The following ARHGAP15 variants were observed in gnomAD, a reference collection of about 807,000 sequenced individuals.
The protein encoded by ARHGAP15 is Rho GTPase activating protein 15.
In ARHGAP15, 51 loss-of-function variants were observed where a neutral mutation model predicts 63.7. That is an observed-to-expected ratio of 0.80 (90% confidence interval 0.64 to 1.01). ARHGAP15 has a LOEUF of 1.01. ARHGAP15 is among the 50% of genes least tolerant of loss of function. ARHGAP15 has a pLI of 0.00. For synonymous variants in ARHGAP15, 191 were observed against 193.8 expected (o/e 0.99, Z 0.12); for missense variants, 560 against 564.6 (o/e 0.99, Z 0.08).
intron 5 of ARHGAP15, among the ~76,000 whole-genome samples, chr2:143,246,122 C>T (rs577506119): frequency 7.9e-5 from 12 of 152,030 alleles, no homozygotes; most frequent in Admixed American, 3.9e-4. Flanking sequence ...ACTTGGAATC[C>T]GATAAAAGTA....
At chr2:143,398,645 T>C (rs1687869986) in intron 6 of ARHGAP15, among the ~76,000 whole-genome samples, 1 of 152,130 alleles carries the variant, frequency 6.6e-6, no homozygotes, top group Non-Finnish European at 1.5e-5. Context: ...ATGTGCAGTT[T>C]GGCCATGAAA....
At chr2:143,719,097 C>T (rs770776720) in intron 13 of ARHGAP15, among the ~76,000 whole-genome samples, 6 of 152,174 alleles carry the variant, frequency 3.9e-5, no homozygotes, top group Admixed American at 1.3e-4. Flanking sequence ...GGGACAGAAC[C>T]GCTGTAAGGG....
intron 6 of ARHGAP15, 86 bp downstream of exon 6, chr2:143,250,686 T>G: frequency 9.4e-7 from 1 of 1,066,702 alleles, no homozygotes; most frequent in Non-Finnish European, 1.4e-6. Context: ...TACCTTCTTG[T>G]GATGTGCTCA....
chr2:143,760,328 G>A (rs1303309476), intron 13 of ARHGAP15, among the ~76,000 whole-genome samples: 1 of 152,066 alleles, frequency 6.6e-6, no homozygotes, highest in South Asian at 2.1e-4. Context: ...CACATAGAAG[G>A]TATTAATAGT....
intron 13 of ARHGAP15, among the ~76,000 whole-genome samples, chr2:143,767,436 CCAAATGAATGGA>C (rs539475396): frequency 5.9e-4 from 90 of 152,248 alleles, no homozygotes; most frequent in African/African-American, 2.1e-3. Context: ...AATTGGCTGT[CCAAATGAATGGA>C]GACACTTAGA....
chr2:143,358,010 G>GA (rs1685878804), intron 6 of ARHGAP15, among the ~76,000 whole-genome samples: 1 of 152,132 alleles, frequency 6.6e-6, no homozygotes, highest in Non-Finnish European at 1.5e-5. Flanking sequence ...TGGTATTTAG[G>GA]AAAAATATTC....
intron 9 of ARHGAP15, among the ~76,000 whole-genome samples, chr2:143,508,201 C>T (rs1050298233): frequency 6.6e-6 from 1 of 152,176 alleles, no homozygotes; most frequent in African/African-American, 2.4e-5. Context: ...GCCACTCAGG[C>T]CTTCCTGCTC....
intron 12 of ARHGAP15, among the ~76,000 whole-genome samples, chr2:143,680,699 G>C (rs1469153231): frequency 3.3e-5 from 5 of 152,176 alleles, no homozygotes; most frequent in African/African-American, 9.7e-5. Flanking sequence ...TAGTTTTCCT[G>C]TACCCACATT....
intron 8 of ARHGAP15, among the ~76,000 whole-genome samples, chr2:143,471,479 AATAC>A (rs1691574160): frequency 6.6e-6 from 1 of 151,978 alleles, no homozygotes; most frequent in African/African-American, 2.4e-5. Context: ...AAAGAAGTAA[AATAC>A]ATATTAGATA....
chr2:143,648,194 A>G (rs1362140490), intron 12 of ARHGAP15, among the ~76,000 whole-genome samples: 2 of 152,046 alleles, frequency 1.3e-5, no homozygotes, highest in Non-Finnish European at 2.9e-5. Flanking sequence ...TTGTTACTCG[A>G]GTTCTATAAT....
At chr2:143,255,379 G>T (rs555296965) in intron 6 of ARHGAP15, among the ~76,000 whole-genome samples, 1 of 151,668 alleles carries the variant, frequency 6.6e-6, no homozygotes, top group Non-Finnish European at 1.5e-5. Context: ...AGATCTCGGG[G>T]GACAGATTCT....
chr2:143,625,557 G>C (rs1698804660), intron 12 of ARHGAP15, among the ~76,000 whole-genome samples: 1 of 152,100 alleles, frequency 6.6e-6, no homozygotes, highest in African/African-American at 2.4e-5. Context: ...CTTATCCCTT[G>C]TCGTGACTTC....
intron 1 of ARHGAP15, 47 bp from the exon 2 acceptor site, chr2:143,155,430 G>A (rs1438551156): frequency 7.5e-6 from 11 of 1,468,536 alleles, no homozygotes; most frequent in Non-Finnish European, 9.1e-6. Flanking sequence ...AGTTTTCATG[G>A]AAAATTGTAT....
chr2:143,556,538 AT>A lies in ARHGAP15; in HGVS notation c.1003+56del. The A allele has an allele frequency of 1.7e-5, 23 of 1,326,272 alleles. No homozygotes were observed. In the South Asian group the frequency reaches 2.7e-4, roughly 16 times the overall value. The allele number at this position is 1,326,272 out of a possible 1,614,324, so 82.2% of individuals were successfully genotyped here. A position where few individuals can be genotyped will look rare whatever the true frequency, so the allele number is the denominator to read the frequency against. The stretch of plus-strand genomic sequence containing the variant: ...TTCAAACAGTTTCATATGGAACAAT[AT>A]TTCATACACTGTGCTGTATGTACTG... On this transcript the variant is annotated intron_variant, in intron 11 of 13. Coordinates refer to ENST00000295095, the MANE Select transcript of ARHGAP15 (RefSeq NM_018460.4).
intron 11 of ARHGAP15, among the ~76,000 whole-genome samples, chr2:143,563,332 T>C (rs1212608456): frequency 6.6e-6 from 1 of 152,220 alleles, no homozygotes. Flanking sequence ...TAATCAAATA[T>C]GGTTTTTGCC....
intron 11 of ARHGAP15, among the ~76,000 whole-genome samples, chr2:143,611,161 C>T (rs913395194): frequency 6.6e-6 from 1 of 152,126 alleles, no homozygotes; most frequent in Non-Finnish European, 1.5e-5. Context: ...TCCAGGAACT[C>T]ATGTTGTTTG....
intron 8 of ARHGAP15, chr2:143,437,294 G>T: frequency 2.6e-6 from 1 of 386,496 alleles, no homozygotes; most frequent in Admixed American, 4.5e-5. Context: ...CTGAATCTCT[G>T]AGTAATAGCC....
chr2:143,629,018 T>C (rs1041360942), intron 12 of ARHGAP15, among the ~76,000 whole-genome samples: 1 of 152,162 alleles, frequency 6.6e-6, no homozygotes, highest in African/African-American at 2.4e-5. Context: ...TGCATCCAAC[T>C]GGAATACTTT....
At chr2:143,726,949 T>G (rs148161269) in intron 13 of ARHGAP15, among the ~76,000 whole-genome samples, 1,812 of 152,314 alleles carry the variant, frequency 0.012, 16 homozygotes, top group South Asian at 0.02. Context: ...CTGGTCACTA[T>G]ATAGATATAT....
Sources: allele counts gnomAD v4.1 joint callset (sites outside exome capture counted in the v4.1 genomes callset), GRCh38; gene constraint gnomAD v4.1.1; transcripts MANE v1.5; gene names NCBI Gene and HGNC (gene_info 2026-07-23, HGNC 2026-07-21).